The following MFN1 variants were observed in gnomAD, a reference collection of about 807,000 sequenced individuals.
MFN1 encodes mitofusin-1.
In MFN1, 65 loss-of-function variants were observed where a neutral mutation model predicts 92.4. That is an observed-to-expected ratio of 0.70 (90% CI 0.58 to 0.86). The LOEUF (loss-of-function observed/expected upper bound fraction) is 0.86, where lower values mean the gene tolerates loss of function less well. Among genes scored for constraint, MFN1 ranks in the 40% least tolerant of loss-of-function variants. The pLI, the probability that MFN1 is intolerant of heterozygous loss-of-function variation, is 0.00. For missense variants in MFN1, 781 were observed against 868.0 expected (o/e 0.90, Z 1.26); for synonymous variants, 297 against 300.9 (o/e 0.99, Z 0.13).
At chr3:179,374,348 CAT>C (rs974325951) in intron 9 of MFN1, among the ~76,000 whole-genome samples, 2 of 138,078 alleles carry the variant, frequency 1.4e-5, no homozygotes, top group Non-Finnish European at 1.6e-5. Flanking sequence ...ATATATATAA[CAT>C]ATATAACATA....
chr3:179,390,793 C>A (rs1713870547), intron 17 of MFN1, among the ~76,000 whole-genome samples: 7 of 152,176 alleles, frequency 4.6e-5, no homozygotes, highest in Admixed American at 4.6e-4. Flanking sequence ...CCTGCTGTTA[C>A]TTCTAGGACA....
At chr3:179,387,308 G>A (rs2108559104) in intron 16 of MFN1, among the ~76,000 whole-genome samples, 1 of 152,248 alleles carries the variant, frequency 6.6e-6, no homozygotes, top group East Asian at 1.9e-4. Flanking sequence ...CACATTGGGA[G>A]GCTGAGGCAG....
At chr3:179,359,159 C>T (rs1966448) in intron 4 of MFN1, among the ~76,000 whole-genome samples, 157 bp downstream of exon 4, 28,289 of 151,732 alleles carry the variant, frequency 0.19, 3,231 homozygotes, top group Admixed American at 0.24. Flanking sequence ...TCGCTCTTGT[C>T]GCCCAGGCTG....
intron 8 of MFN1, 97 bp downstream of exon 8, chr3:179,367,689 C>A (rs1403980605): frequency 2.8e-6 from 3 of 1,077,582 alleles, no homozygotes; most frequent in Non-Finnish European, 3.8e-6. Flanking sequence ...CTTTGGAAGG[C>A]TGAGGCGGGC....
chr3:179,355,281 T>G (rs1190736030), intron 3 of MFN1, among the ~76,000 whole-genome samples: 1 of 152,162 alleles, frequency 6.6e-6, no homozygotes, highest in Admixed American at 6.6e-5. Context: ...AAGGTCTTTG[T>G]GACCTGTATA....
At chr3:179,387,090 A>T (rs1232849193) in intron 16 of MFN1, among the ~76,000 whole-genome samples, 1 of 145,508 alleles carries the variant, frequency 6.9e-6, no homozygotes, top group Middle Eastern at 3.2e-3. Flanking sequence ...TAATTTTTTA[A>T]TTTTTTTTTT....
At chr3:179,351,085 G>C (rs376001968) in intron 2 of MFN1, among the ~76,000 whole-genome samples, 1 of 152,202 alleles carries the variant, frequency 6.6e-6, no homozygotes, top group Non-Finnish European at 1.5e-5. Flanking sequence ...GATTATAGGC[G>C]TGAGCCCCCA....
At chr3:179,382,931 T>C (rs1307835398) in intron 14 of MFN1, among the ~76,000 whole-genome samples, 2 of 152,216 alleles carry the variant, frequency 1.3e-5, no homozygotes, top group Non-Finnish European at 2.9e-5. Flanking sequence ...TTTTTTCTTG[T>C]AAATTTGTTT....
chr3:179,385,860 T>A, intron 15 of MFN1, 139 bp downstream of exon 15: 1 of 800,580 alleles, frequency 1.2e-6, no homozygotes, highest in Non-Finnish European at 1.9e-6. Flanking sequence ...AGGTTAAAAG[T>A]AGTGAATTAA....
chr3:179,386,706 A>C (rs1713699790), intron 16 of MFN1, 77 bp downstream of exon 16: 2 of 1,277,146 alleles, frequency 1.6e-6, no homozygotes, highest in Non-Finnish European at 1.1e-6. Context: ...GCACAAAATA[A>C]GTGTATTGCT....
chr3:179,387,461 G>C (rs534747605), intron 16 of MFN1, among the ~76,000 whole-genome samples: 60 of 152,048 alleles, frequency 3.9e-4, no homozygotes, highest in East Asian at 2.0e-4. Context: ...CACAAGAATC[G>C]CTTGACCCTG....
Position 179,348,822 on chromosome 3 carries a change from T to G in MFN1, c.-7-23T>G, listed in dbSNP as rs374572110. 1.0e-5 allele frequency: 16 copies of G among 1,605,066 alleles called. No individual in the cohort carries two copies. The African/African-American group carries it at 2.1e-4, about 21-fold the overall frequency. On this transcript the variant is annotated intron_variant, in intron 1 of 17. Coordinates refer to ENST00000471841, the MANE Select transcript of MFN1 (RefSeq NM_033540.3). ...TCTATCATCCACTTTAGTTGGTGCT[T>G]TTCTAACTTTATCTCCCTCTAGTAG...
rs756073936 is a variant in MFN1 at position 179,367,161 on chromosome 3, C to T, written c.754-278C>T. Reference sequence around the variant, plus strand: ...CAGGCTGTTCTCAAACTCCTGACCTCGTGATCTGCCCGCCTTGGCCTCCCA... The same window carrying T: ...CAGGCTGTTCTCAAACTCCTGACCTTGTGATCTGCCCGCCTTGGCCTCCCA... On this transcript the variant is annotated intron_variant, in intron 7 of 17. Coordinates refer to ENST00000471841, the MANE Select transcript of MFN1 (RefSeq NM_033540.3). Among the ~76,000 whole-genome samples the T allele has an allele frequency of 2.3e-4, 35 of 152,204 alleles. 1 individual carries two copies. The highest frequency in any genetic ancestry group is 3.1e-4 in the Non-Finnish European group (21 of 68,038).
chr3:179,379,585 C>A (rs1713389453), intron 14 of MFN1, among the ~76,000 whole-genome samples: 1 of 152,130 alleles, frequency 6.6e-6, no homozygotes, highest in Non-Finnish European at 1.5e-5. Flanking sequence ...AACTCCTGAC[C>A]TCAAGTGATC....
intron 2 of MFN1, 52 bp downstream of exon 2, chr3:179,349,015 T>A: frequency 6.9e-7 from 1 of 1,448,906 alleles, no homozygotes; most frequent in Non-Finnish European, 9.5e-7. Context: ...TATATAAAAG[T>A]GCTTATTCTT....
chr3:179,388,730 G>A (rs1713792582), intron 16 of MFN1, among the ~76,000 whole-genome samples: 1 of 152,212 alleles, frequency 6.6e-6, no homozygotes, highest in African/African-American at 2.4e-5. Flanking sequence ...GGGGAGATGT[G>A]TAGCATATGA....
rs765439568 is a variant in MFN1, at chr3:179,377,447, G to C, written c.1328G>C (p.Ser443Thr). 2 of 1,526,336 alleles carry C rather than the reference G, an allele frequency of 1.3e-6. No homozygotes were observed. Among genetic ancestry groups the C allele is most frequent in the Middle Eastern group, 1.9e-4 (1 of 5,212 alleles). The allele number at this position is 1,526,336 out of a possible 1,614,324, so 94.5% of individuals were successfully genotyped here. Residue 443 changes from serine (S) to threonine (T), a missense_variant and splice_region_variant, in exon 12 of 18, where the codon AGT (serine) becomes ACT (threonine). Transcript: ENST00000471841. ...CCAGATGTATTAAAAATATATAAAAGTGTAAGTTAAAGTATAGATAAAATT... is the reference window on the plus strand; with the variant it reads ...CCAGATGTATTAAAAATATATAAAACTGTAAGTTAAAGTATAGATAAAATT... ...PNPDVLKIYK[S>T]ELNKHIEDGM...
chr3:179,385,486 C>A, intron 14 of MFN1, 83 bp from the exon 15 acceptor site: 2 of 1,266,052 alleles, frequency 1.6e-6, no homozygotes, highest in Non-Finnish European at 2.2e-6. Flanking sequence ...CATAGATGTG[C>A]TACTATAATT....
intron 14 of MFN1, among the ~76,000 whole-genome samples, chr3:179,382,239 A>G (rs559149709): frequency 1.3e-5 from 2 of 152,132 alleles, no homozygotes; most frequent in African/African-American, 2.4e-5. Flanking sequence ...ATCCCACAAC[A>G]GGCCCCGGGG....
Sources: allele counts gnomAD v4.1 joint callset (sites outside exome capture counted in the v4.1 genomes callset), GRCh38; gene constraint gnomAD v4.1.1; transcripts MANE v1.5; gene names NCBI Gene and HGNC (gene_info 2026-07-23, HGNC 2026-07-21).